Variants in MACROD2 observed in about 807,000 individuals in gnomAD.
MACROD2 encodes mono-ADP ribosylhydrolase 2.
Under a neutral mutation model 70.4 loss-of-function variants are expected in MACROD2, and 36 were observed. That is an observed-to-expected ratio of 0.51 (90% CI 0.39 to 0.68). The LOEUF is 0.68. Ranked by LOEUF, MACROD2 falls within the 30% of genes least tolerant of loss-of-function variation. MACROD2 has a pLI of 0.00. For synonymous variants in MACROD2, 172 were observed against 178.8 expected (o/e 0.96, Z 0.30); for missense variants, 496 against 538.4 (o/e 0.92, Z 0.78).
At chr20:15,384,527 G>T (rs1035472352) in intron 6 of MACROD2, among the ~76,000 whole-genome samples, 1 of 152,216 alleles carries the variant, frequency 6.6e-6, no homozygotes, top group South Asian at 2.1e-4. Flanking sequence ...AAGTGTGAAG[G>T]CTTCTTGAGG....
intron 13 of MACROD2, among the ~76,000 whole-genome samples, chr20:15,972,236 G>A (rs2066242793): frequency 6.6e-6 from 1 of 152,148 alleles, no homozygotes; most frequent in Admixed American, 6.5e-5. Context: ...ACATCTTGAA[G>A]GGTGGTTCTA....
chr20:14,570,865 C>T (rs1234029106), intron 4 of MACROD2, among the ~76,000 whole-genome samples: 1 of 151,758 alleles, frequency 6.6e-6, no homozygotes, highest in African/African-American at 2.4e-5. Context: ...AAGAGGGAAA[C>T]AGAATTATGT....
intron 6 of MACROD2, among the ~76,000 whole-genome samples, chr20:15,413,161 G>A (rs1223416371): frequency 6.6e-6 from 1 of 152,164 alleles, no homozygotes; most frequent in Non-Finnish European, 1.5e-5. Flanking sequence ...AATCTTGCAA[G>A]CTTGTGCATT....
At chr20:15,270,816 A>G (rs761028654) in intron 6 of MACROD2, among the ~76,000 whole-genome samples, 3 of 152,086 alleles carry the variant, frequency 2.0e-5, no homozygotes, top group Non-Finnish European at 4.4e-5. Context: ...CCTTCCTGAT[A>G]TGGAAAACTC....
chr20:15,223,812 AGG>A (rs1309776671), intron 5 of MACROD2, among the ~76,000 whole-genome samples: 1 of 152,188 alleles, frequency 6.6e-6, no homozygotes, highest in Non-Finnish European at 1.5e-5. Flanking sequence ...TCAAGAGGTG[AGG>A]TCTAGGTCCT....
At chr20:15,363,679 C>T (rs943302420) in intron 6 of MACROD2, among the ~76,000 whole-genome samples, 2 of 152,096 alleles carry the variant, frequency 1.3e-5, no homozygotes, top group Admixed American at 1.3e-4. Context: ...GATTGTATTG[C>T]TGCAAGAGGT....
chr20:14,155,565 C>A (rs2055091438), intron 3 of MACROD2, among the ~76,000 whole-genome samples: 1 of 152,102 alleles, frequency 6.6e-6, no homozygotes, highest in Non-Finnish European at 1.5e-5. Context: ...CAGCTTTCAC[C>A]TAATTCAACT....
chr20:14,662,424 A>C (rs1986271754), intron 4 of MACROD2, among the ~76,000 whole-genome samples: 1 of 151,600 alleles, frequency 6.6e-6, no homozygotes, highest in East Asian at 1.9e-4. Context: ...GGACATAGAA[A>C]CAGGAAAATA....
chr20:15,394,532 T>C (rs1215001207), intron 6 of MACROD2, among the ~76,000 whole-genome samples: 1 of 152,184 alleles, frequency 6.6e-6, no homozygotes, highest in East Asian at 1.9e-4. Flanking sequence ...AGCTTGACAA[T>C]ATGAAAAGCA....
At chr20:14,428,763 A>G (rs13038046) in intron 3 of MACROD2, among the ~76,000 whole-genome samples, 23,606 of 152,156 alleles carry the variant, frequency 0.16, 2,611 homozygotes, top group Non-Finnish European at 0.22. Context: ...GATAAATATG[A>G]TCATTGAAAT....
intron 3 of MACROD2, among the ~76,000 whole-genome samples, chr20:14,271,245 A>C (rs1208492489): frequency 6.6e-6 from 1 of 152,278 alleles, no homozygotes; most frequent in South Asian, 2.1e-4. Flanking sequence ...GGCACCCCCC[A>C]GTAGGGGCAG....
At chr20:14,552,818 T>C (rs1356978292) in intron 4 of MACROD2, among the ~76,000 whole-genome samples, 1 of 152,104 alleles carries the variant, frequency 6.6e-6, no homozygotes, top group Non-Finnish European at 1.5e-5. Context: ...GAAATGGTAA[T>C]TGTGTATAGG....
At chr20:15,224,282 C>T (rs1226884150) in intron 5 of MACROD2, among the ~76,000 whole-genome samples, 3 of 152,182 alleles carry the variant, frequency 2.0e-5, no homozygotes, top group Non-Finnish European at 2.9e-5. Flanking sequence ...CAAATCTAAC[C>T]ACAAAGCTAA....
At chr20:15,196,939 T>C (rs2076611102) in intron 5 of MACROD2, 1 of 985,320 alleles carries the variant, frequency 1.0e-6, no homozygotes, top group Admixed American at 6.1e-5. Context: ...AAAAAACCTT[T>C]AAAAATTGGA....
intron 3 of MACROD2, among the ~76,000 whole-genome samples, chr20:14,229,257 G>GA (rs1355728961): frequency 6.6e-6 from 1 of 152,146 alleles, no homozygotes; most frequent in African/African-American, 2.4e-5. Flanking sequence ...TCTGCTTTGT[G>GA]AAAGACACTG....
chr20:14,300,455 T>C (rs74490712), intron 3 of MACROD2, among the ~76,000 whole-genome samples: 2,294 of 152,304 alleles, frequency 0.015, 24 homozygotes, highest in African/African-American at 0.027. Flanking sequence ...ACAAAGCTCT[T>C]GGGTTTTTGT....
intron 5 of MACROD2, among the ~76,000 whole-genome samples, chr20:15,150,035 G>A (rs1248186184): frequency 7.0e-6 from 1 of 143,758 alleles, no homozygotes; most frequent in Admixed American, 6.7e-5. Flanking sequence ...AGGAAGGAAA[G>A]GAGTTGTTGT....
chr20:15,450,032 C>T (rs2146391412), intron 7 of MACROD2, among the ~76,000 whole-genome samples: 2 of 152,130 alleles, frequency 1.3e-5, no homozygotes, highest in East Asian at 3.9e-4. Flanking sequence ...AATAAACACA[C>T]ACAACAGATA....
At chr20:15,894,250 G>C (rs748857290) in intron 10 of MACROD2, among the ~76,000 whole-genome samples, 1 of 152,172 alleles carries the variant, frequency 6.6e-6, no homozygotes, top group Non-Finnish European at 1.5e-5. Context: ...ACCTTCCTGG[G>C]AGTTCAGAAC....
Sources: allele counts gnomAD v4.1 joint callset (sites outside exome capture counted in the v4.1 genomes callset), GRCh38; gene constraint gnomAD v4.1.1; transcripts MANE v1.5; gene names NCBI Gene and HGNC (gene_info 2026-07-23, HGNC 2026-07-21).